The following OGT variants were observed in gnomAD, a reference collection of about 807,000 sequenced individuals.
The protein encoded by OGT is O-linked N-acetylglucosamine (GlcNAc) transferase, also known as UDP-N-acetylglucosamine--peptide N-acetylglucosaminyltransferase 110 kDa subunit.
OGT carries 3 observed loss-of-function variants against 75.8 expected under a neutral mutation model. The observed-to-expected ratio is 0.04, with a 90% CI of 0.02 to 0.10. The LOEUF (loss-of-function observed/expected upper bound fraction) is 0.10. Ranked by LOEUF, OGT falls within the 10% of genes least tolerant of loss-of-function variation. The probability of loss-of-function intolerance (pLI) is 1.00; values close to 1 mark genes in which losing one functional copy is unlikely to be tolerated. For synonymous variants in OGT, 257 were observed against 289.7 expected (o/e 0.89, Z 1.15); for missense variants, 260 against 824.4 (o/e 0.32, Z 8.38).
chrX:71,564,813 A>G (rs746237258), intron 19 of OGT, 60 bp downstream of exon 19: 130 of 947,474 alleles, frequency 1.4e-4, no homozygotes, highest in Admixed American at 3.3e-4. Context: ...TTCTTGCTGA[A>G]GATGGTCCTT....
At chrX:71,558,759 C>G (rs2040360886) in intron 12 of OGT, among the ~76,000 whole-genome samples, 1 of 100,729 alleles carries the variant, frequency 9.9e-6, no homozygotes, top group Admixed American at 1.1e-4. Context: ...GTTAGATTTG[C>G]TCGTACTTTT....
intron 21 of OGT, among the ~76,000 whole-genome samples, chrX:71,572,353 A>T (rs934316539): frequency 3.6e-5 from 4 of 112,653 alleles, no homozygotes; most frequent in African/African-American, 1.3e-4. Context: ...TCCTATTGGC[A>T]TAGAATTTTA....
chrX:71,556,621 A>G, intron 8 of OGT, 59 bp from the exon 9 acceptor site: 2 of 712,258 alleles, frequency 2.8e-6, no homozygotes, highest in Non-Finnish European at 4.1e-6. Flanking sequence ...GTTGTGGTGA[A>G]TTATTACTGC....
intron 17 of OGT, 29 bp from the exon 18 acceptor site, chrX:71,563,299 CT>C: frequency 8.3e-7 from 1 of 1,204,247 alleles, no homozygotes; most frequent in East Asian, 3.0e-5. Context: ...CATTCACGAT[CT>C]TTTCCCTAAT....
At chrX:71,553,936 C>A (rs67271341) in intron 5 of OGT, among the ~76,000 whole-genome samples, 28,031 of 110,834 alleles carry the variant, frequency 0.25, 3,656 homozygotes, top group East Asian at 0.48. Context: ...GATAGAGCCT[C>A]GGTACCTTTT....
intron 14 of OGT, among the ~76,000 whole-genome samples, 183 bp downstream of exon 14, chrX:71,559,860 A>C (rs1196440885): frequency 6.2e-5 from 7 of 112,345 alleles, no homozygotes; most frequent in South Asian, 3.6e-4. Context: ...GTTGCAAATG[A>C]AACTGAAATG....
chrX:71,575,823 C>T lies in OGT; in HGVS notation c.*2029C>T, dbSNP rs1414803119. The T allele has an allele frequency of 8.9e-6, 1 of 112,265 alleles. No individual in the cohort carries two copies. Among genetic ancestry groups the T allele is most frequent in the Non-Finnish European group, 1.9e-5 (1 of 53,207 alleles). 9.3% of individuals were successfully genotyped at this position (112,265 alleles called of 1,213,427 possible). On this transcript the variant is annotated 3_prime_UTR_variant, in exon 22 of 22. Coordinates refer to ENST00000373719, the MANE Select transcript of OGT (RefSeq NM_181672.3). ...ACTCTGCTTTATCAAAGAAGTAAAA[C>T]ATTTAAATCGTACTACAGAAATTAA...
chrX:71,536,962 G>GTTTTTTT (rs1195640430), intron 2 of OGT: 20 of 122,686 alleles, frequency 1.6e-4, no homozygotes, highest in South Asian at 2.0e-4. Flanking sequence ...AATGTGGTGG[G>GTTTTTTT]TTTTTTTTTT....
chrX:71,556,615 T>C, intron 8 of OGT, 65 bp from the exon 9 acceptor site: 1 of 627,439 alleles, frequency 1.6e-6, no homozygotes, highest in Non-Finnish European at 2.4e-6. Context: ...CTTAAGGTTG[T>C]GGTGAATTAT....
chrX:71,560,395 A>G (rs2147687036), intron 14 of OGT, among the ~76,000 whole-genome samples: 1 of 110,848 alleles, frequency 9.0e-6, no homozygotes, highest in African/African-American at 3.3e-5. Context: ...CTAGGAGAGT[A>G]AGTTTTATGA....
At chrX:71,547,381 T>A in intron 4 of OGT, 1 of 686,710 alleles carries the variant, frequency 1.5e-6, no homozygotes, top group Non-Finnish European at 1.7e-6. Flanking sequence ...CCTGTTACAC[T>A]ATTAAAGGCT....
intron 3 of OGT, among the ~76,000 whole-genome samples, chrX:71,539,546 G>A (rs762208775): frequency 9.0e-6 from 1 of 111,572 alleles, no homozygotes; most frequent in South Asian, 3.8e-4. Flanking sequence ...AGCACTCTTG[G>A]AGGTAGCAAA....
rs5937092 is a variant in OGT at position 71,544,749 on chromosome X, G to C, written c.531+114G>C. Reference sequence around the variant, plus strand: ...CACAAAACAGTCCTTTGAAACTGAGGAAAACTGACGGCACGAATCGCCTCA... The same window carrying C: ...CACAAAACAGTCCTTTGAAACTGAGCAAAACTGACGGCACGAATCGCCTCA... On this transcript the variant is annotated intron_variant, in intron 4 of 21. Transcript: ENST00000373719. 1,035 of 594,356 alleles carry C rather than the reference G, an allele frequency of 1.7e-3. 1 individual carries two copies. Among genetic ancestry groups the C allele is most frequent in the Non-Finnish European group, 2.6e-3 (954 of 364,900 alleles). The allele number at this position is 594,356 out of a possible 1,213,427, so 49.0% of individuals were successfully genotyped here.
At chrX:71,556,844 C>T in intron 9 of OGT, 64 bp downstream of exon 9, 1 of 1,037,704 alleles carries the variant, frequency 9.6e-7, no homozygotes, top group Non-Finnish European at 1.3e-6. Flanking sequence ...TGACATTCGG[C>T]ACATTGCAGA....
At chrX:71,536,419 G>T (rs1481957842) in intron 2 of OGT, 61 bp downstream of exon 2, 1 of 937,908 alleles carries the variant, frequency 1.1e-6, no homozygotes, top group Non-Finnish European at 1.4e-6. Flanking sequence ...CTTGAAAAAT[G>T]ATACTTAAAT....
chrX:71,538,983 T>G (rs2040198947), intron 3 of OGT, among the ~76,000 whole-genome samples: 1 of 112,391 alleles, frequency 8.9e-6, no homozygotes, highest in African/African-American at 3.2e-5. Flanking sequence ...ATATTATTTC[T>G]GATTTTTATC....
intron 18 of OGT, among the ~76,000 whole-genome samples, 178 bp from the exon 19 acceptor site, chrX:71,564,423 A>G (rs2040403339): frequency 8.9e-6 from 1 of 112,279 alleles, no homozygotes; most frequent in Admixed American, 9.5e-5. Flanking sequence ...TTCATAGTGC[A>G]GTCTCCCCCA....
intron 14 of OGT, 55 bp downstream of exon 14, chrX:71,559,732 T>C: frequency 2.2e-6 from 2 of 912,446 alleles, no homozygotes; most frequent in Middle Eastern, 2.7e-4. Context: ...TAAATAAAAC[T>C]ATTAGCATAT....
intron 3 of OGT, among the ~76,000 whole-genome samples, chrX:71,543,821 C>CT (rs1416367854): frequency 9.7e-6 from 1 of 103,129 alleles, no homozygotes; most frequent in African/African-American, 3.5e-5. Flanking sequence ...ACAAGAGTCT[C>CT]TGTCGCCCAG....
Sources: allele counts gnomAD v4.1 joint callset (sites outside exome capture counted in the v4.1 genomes callset), GRCh38; gene constraint gnomAD v4.1.1; transcripts MANE v1.5; gene names NCBI Gene and HGNC (gene_info 2026-07-23, HGNC 2026-07-21).